The following ZNF766 variants were observed in gnomAD, a reference collection of about 807,000 sequenced individuals.
ZNF766 encodes zinc finger protein 766.
A neutral mutation model predicts 13.2 loss-of-function variants in ZNF766; 13 were observed. The observed-to-expected ratio is 0.98, with a 90% CI of 0.64 to 1.56. The LOEUF (loss-of-function observed/expected upper bound fraction) is 1.56. ZNF766 is among the 40% of genes most tolerant of loss of function. The pLI, the probability that ZNF766 is intolerant of heterozygous loss-of-function variation, is 0.00. For synonymous variants in ZNF766, 178 were observed against 187.6 expected, an observed-to-expected ratio of 0.95 and a Z score of 0.42; for missense variants, 521 against 552.2, an observed-to-expected ratio of 0.94 and a Z score of 0.57.
In ZNF766 at chr19:52,291,248, CTA is replaced by C; in HGVS notation, c.*53_*54del. ...CTAGCAGTAATCAACATCCGAGAGT[CTA>C]TACTAGAAAGAAATCATTTAAATGT... On this transcript the variant is annotated 3_prime_UTR_variant, in exon 4 of 4. Coordinates refer to ENST00000439461, the MANE Select transcript of ZNF766 (RefSeq NM_001010851.3). The C allele has an allele frequency of 6.7e-7, 1 of 1,492,330 alleles. No individual in the cohort carries two copies. The highest frequency in any genetic ancestry group is 9.0e-7 in the Non-Finnish European group (1 of 1,112,628). 92.4% of individuals were successfully genotyped at this position (1,492,330 alleles called of 1,614,324 possible).
chr19:52,277,168 G>A (rs991796967), intron 1 of ZNF766: 8 of 1,128,160 alleles, frequency 7.1e-6, no homozygotes, highest in South Asian at 2.6e-5. Context: ...GACTTCTAAA[G>A]AGTCATGTTG....
Position 52,291,276 on chromosome 19 carries a change from A to G in ZNF766, c.*78A>G. On this transcript the variant is annotated 3_prime_UTR_variant, in exon 4 of 4. Transcript: ENST00000439461. ...TACTAGAAAGAAATCATTTAAATGT[A>G]CTATATGTGGCACAGGCTGTATCGA... 2 of 1,388,144 alleles carry G rather than the reference A, an allele frequency of 1.4e-6. No individual in the cohort carries two copies. The allele number at this position is 1,388,144 out of a possible 1,614,324, so 86.0% of individuals were successfully genotyped here. A position where few individuals can be genotyped will look rare whatever the true frequency, so the allele number is the denominator to read the frequency against.
chr19:52,293,988 TTCA>T lies in ZNF766; in HGVS notation c.*2798_*2800del, dbSNP rs1266232223. ...AGTGAAAATCACATAACAGTGCAGCTTCATCATCATATGCCCTCAATGTTCATC... is the reference window on the plus strand; with the variant it reads ...AGTGAAAATCACATAACAGTGCAGCTTCATCATATGCCCTCAATGTTCATC... On this transcript the variant is annotated 3_prime_UTR_variant, in exon 4 of 4. Transcript: ENST00000439461. 3 of 152,178 alleles carry T rather than the reference TTCA, an allele frequency of 2.0e-5. No homozygotes were observed. The highest frequency in any genetic ancestry group is 7.2e-5 in the African/African-American group (3 of 41,444). 9.4% of individuals were successfully genotyped at this position (152,178 alleles called of 1,614,324 possible). A position where few individuals can be genotyped will look rare whatever the true frequency, so the allele number is the denominator to read the frequency against.
In ZNF766 at chr19:52,292,296, CAG is replaced by C. The variant is rs1296873830; in HGVS notation, c.*1102_*1103del. 1.5e-5 allele frequency: 10 copies of C among 650,814 alleles called. No homozygotes were observed. Among genetic ancestry groups the C allele is most frequent in the African/African-American group, 5.5e-5 (3 of 54,898 alleles). 40.3% of individuals were successfully genotyped at this position (650,814 alleles called of 1,614,324 possible). ...CTGATTTAGAGACCATGGAGGTGGA[CAG>C]AGAATAACAAAACCGTGATGGCAGT... On this transcript the variant is annotated 3_prime_UTR_variant, in exon 4 of 4. Transcript: ENST00000439461.
Position 52,292,172 on chromosome 19 carries a change from G to T in ZNF766, c.*974G>T, listed in dbSNP as rs1374668389. 2.8e-6 allele frequency: 2 copies of T among 702,848 alleles called. No homozygotes were observed. Among genetic ancestry groups the T allele is most frequent in the Admixed American group, 4.0e-5 (2 of 49,988 alleles). 43.5% of individuals were successfully genotyped at this position (702,848 alleles called of 1,614,324 possible). A position where few individuals can be genotyped will look rare whatever the true frequency, so the allele number is the denominator to read the frequency against. ...AGGCCTTTCACTGTGGTCTGGGAAA[G>T]AATCAGTAAGATGACAGGGCTGACT... On this transcript the variant is annotated 3_prime_UTR_variant, in exon 4 of 4. Transcript: ENST00000439461.
intron 3 of ZNF766, among the ~76,000 whole-genome samples, chr19:52,286,180 T>G (rs1600201780): frequency 5.0e-5 from 6 of 120,530 alleles, no homozygotes; most frequent in African/African-American, 1.5e-4. Context: ...AGAATCCAAG[T>G]GGGCTTTTCC....
At position 52,294,048 on chromosome 19, in the gene ZNF766, C is replaced by G. The variant is rs1568625389; in HGVS notation, c.*2850C>G. The G allele has an allele frequency of 6.6e-6, 1 of 152,188 alleles. No homozygotes were observed. The highest frequency in any genetic ancestry group is 1.5e-5 in the Non-Finnish European group (1 of 68,034). 9.4% of individuals were successfully genotyped at this position (152,188 alleles called of 1,614,324 possible). On this transcript the variant is annotated 3_prime_UTR_variant, in exon 4 of 4. Coordinates refer to ENST00000439461, the MANE Select transcript of ZNF766 (RefSeq NM_001010851.3). ...GATAAACATGCACTGTATTATGTTTCTGTGTGCCTTTTTCTTGTGTGCCAA... is the reference window on the plus strand; with the variant it reads ...GATAAACATGCACTGTATTATGTTTGTGTGTGCCTTTTTCTTGTGTGCCAA...
rs1982112579 is a variant in ZNF766 at position 52,290,956 on chromosome 19, G to A, written c.1165G>A (p.Gly389Ser). ...GAAACCTTATAAATGTCATGAATGT[G>A]GCAAAGTCTTCACTCAAGTTTCACA... ...GEKPYKCHEC[G>S]KVFTQVSHLA... is the part of the protein sequence containing the mutation. Residue 389 changes from glycine (G) to serine (S), a missense_variant, in exon 4 of 4, where the codon GGC becomes AGC. Coordinates refer to ENST00000439461, the MANE Select transcript of ZNF766 (RefSeq NM_001010851.3). The A allele has an allele frequency of 6.2e-7, 1 of 1,614,036 alleles. No individual in the cohort carries two copies. Among genetic ancestry groups the A allele is most frequent in the Non-Finnish European group, 8.5e-7 (1 of 1,180,012 alleles).
intron 1 of ZNF766, among the ~76,000 whole-genome samples, chr19:52,272,827 C>T (rs1173215176): frequency 6.6e-6 from 1 of 152,100 alleles, no homozygotes; most frequent in African/African-American, 2.4e-5. Context: ...CAGTTGTCCC[C>T]TCACTTCTCT....
chr19:52,276,208 G>T (rs145475635), intron 1 of ZNF766, among the ~76,000 whole-genome samples: 26 of 152,250 alleles, frequency 1.7e-4, no homozygotes, highest in African/African-American at 6.3e-4. Context: ...GTTATTAAGC[G>T]ATGCGTGACT....
At chr19:52,271,556 CTCACAG>C (rs1980975785) in intron 1 of ZNF766, among the ~76,000 whole-genome samples, 1 of 152,220 alleles carries the variant, frequency 6.6e-6, no homozygotes, top group Non-Finnish European at 1.5e-5. Context: ...GCCAGCCCTA[CTCACAG>C]TCTCAGGACA....
rs1173831821 is a variant in ZNF766, at chr19:52,292,187, C to T, written c.*989C>T. 3 of 702,778 alleles carry T rather than the reference C, an allele frequency of 4.3e-6. No individual in the cohort carries two copies. The highest frequency in any genetic ancestry group is 7.8e-6 in the Non-Finnish European group (3 of 384,898). The allele number at this position is 702,778 out of a possible 1,614,324, so 43.5% of individuals were successfully genotyped here. ...GTCTGGGAAAGAATCAGTAAGATGA[C>T]AGGGCTGACTTCATTAGATGAGGAG... On this transcript the variant is annotated 3_prime_UTR_variant, in exon 4 of 4. Transcript: ENST00000439461.
chr19:52,275,047 G>A (rs1981132576), intron 1 of ZNF766, among the ~76,000 whole-genome samples: 1 of 152,134 alleles, frequency 6.6e-6, no homozygotes, highest in Admixed American at 6.6e-5. Flanking sequence ...AAGAAACAAA[G>A]CAAGCAAACC....
chr19:52,291,535 G>A lies in ZNF766; in HGVS notation c.*337G>A. 4.9e-6 allele frequency: 1 copy of A among 203,024 alleles called. No homozygotes were observed. Among genetic ancestry groups the A allele is most frequent in the Non-Finnish European group, 1.0e-5 (1 of 99,936 alleles). The allele number at this position is 203,024 out of a possible 1,614,324, so 12.6% of individuals were successfully genotyped here. ...GCACTTTGGGAGGTTGAGGCAGGTG[G>A]ATCACAAGGTCAGGAGTTTGAGACC... On this transcript the variant is annotated 3_prime_UTR_variant, in exon 4 of 4. Coordinates refer to ENST00000439461, the MANE Select transcript of ZNF766 (RefSeq NM_001010851.3).
chr19:52,283,176 T>G (rs1309526886), intron 2 of ZNF766, 109 bp from the exon 3 acceptor site: 1 of 1,378,016 alleles, frequency 7.3e-7, no homozygotes, highest in African/African-American at 1.5e-5. Context: ...TGATCGCCAT[T>G]CTAACTGGCT....
At chr19:52,272,702 A>T (rs938943339) in intron 1 of ZNF766, among the ~76,000 whole-genome samples, 1 of 151,902 alleles carries the variant, frequency 6.6e-6, no homozygotes, top group African/African-American at 2.4e-5. Context: ...AACTCTTCTC[A>T]TCTCTTTTCA....
At chr19:52,286,131 C>T (rs536009014) in intron 3 of ZNF766, among the ~76,000 whole-genome samples, 28 of 148,786 alleles carry the variant, frequency 1.9e-4, no homozygotes, top group African/African-American at 5.8e-4. Flanking sequence ...ACCTGGATCC[C>T]GGAAGAGCTC....
Position 52,295,720 on chromosome 19 carries a change from TTTA to T in ZNF766, c.*4528_*4530del, listed in dbSNP as rs1372127575. The T allele has an allele frequency of 1.3e-5, 2 of 152,140 alleles. No individual in the cohort carries two copies. Among genetic ancestry groups the T allele is most frequent in the East Asian group, 1.9e-4 (1 of 5,206 alleles). 9.4% of individuals were successfully genotyped at this position (152,140 alleles called of 1,614,324 possible). On this transcript the variant is annotated 3_prime_UTR_variant, in exon 4 of 4. Coordinates refer to ENST00000439461, the MANE Select transcript of ZNF766 (RefSeq NM_001010851.3). ...CTTTATCTTTATTTTATTTATTTAT[TTTA>T]TTATTTATTTTTTTGAGATGGAGTT...
chr19:52,290,015 A>C, intron 3 of ZNF766, 51 bp from the exon 4 acceptor site: 1 of 1,527,496 alleles, frequency 6.5e-7, no homozygotes, highest in Non-Finnish European at 8.8e-7. Flanking sequence ...AAAGTGCAAA[A>C]AACATGCCAG....
Sources: gnomAD v4.1 joint callset for allele counts (sites outside exome capture counted in the v4.1 genomes callset) on GRCh38, gnomAD v4.1.1 for gene constraint, MANE v1.5 for transcripts, NCBI Gene and HGNC (gene_info 2026-07-23, HGNC 2026-07-21) for gene names.